PID1: variants seen among roughly 807,000 people sequenced by gnomAD.
PID1 encodes the protein phosphotyrosine interaction domain containing 1.
In PID1, 10 loss-of-function variants were observed where a neutral mutation model predicts 19.1. That is an observed-to-expected ratio of 0.52 (90% CI 0.32 to 0.89). PID1 has a LOEUF of 0.89. PID1 is among the 40% of genes least tolerant of loss of function. The pLI is 0.03. For synonymous variants in PID1, 130 were observed against 116.0 expected (o/e 1.12, Z -0.78); for missense variants, 248 against 285.3 (o/e 0.87, Z 0.94).
chr2:229,123,248 T>C (rs1465967784), intron 2 of PID1, among the ~76,000 whole-genome samples: 1 of 152,186 alleles, frequency 6.6e-6, no homozygotes, highest in African/African-American at 2.4e-5. Flanking sequence ...TATTCAGGGA[T>C]ACTTCAGGTA....
At chr2:229,255,806 C>A (rs2106287474) in intron 1 of PID1, among the ~76,000 whole-genome samples, 1 of 152,288 alleles carries the variant, frequency 6.6e-6, no homozygotes, top group South Asian at 2.1e-4. Flanking sequence ...TAAGCCCCAA[C>A]ACTTCTAGTT....
At chr2:229,172,961 G>A (rs917344013) in intron 1 of PID1, among the ~76,000 whole-genome samples, 4 of 152,086 alleles carry the variant, frequency 2.6e-5, no homozygotes, top group Admixed American at 1.3e-4. Flanking sequence ...CCGAACTCCT[G>A]ATGTCAAGTG....
chr2:229,042,887 T>C (rs1479941458), intron 2 of PID1, among the ~76,000 whole-genome samples: 1 of 152,150 alleles, frequency 6.6e-6, no homozygotes, highest in African/African-American at 2.4e-5. Flanking sequence ...ATATTAGAGT[T>C]ATTACATTGA....
intron 2 of PID1, among the ~76,000 whole-genome samples, chr2:229,087,468 G>A (rs1694791980): frequency 6.6e-6 from 1 of 152,200 alleles, no homozygotes; most frequent in African/African-American, 2.4e-5. Flanking sequence ...GGGATCAAAT[G>A]TCTCCTGCAA....
intron 2 of PID1, among the ~76,000 whole-genome samples, chr2:229,148,666 G>T (rs1690185322): frequency 6.7e-6 from 1 of 150,108 alleles, no homozygotes. Context: ...TAGAATGAAA[G>T]AAAAGTAGAA....
intron 1 of PID1, among the ~76,000 whole-genome samples, chr2:229,194,231 C>A (rs550867072): frequency 6.6e-6 from 1 of 151,796 alleles, no homozygotes; most frequent in South Asian, 2.1e-4. Context: ...GTTAAAAAAC[C>A]CCATTAACTA....
intron 2 of PID1, among the ~76,000 whole-genome samples, chr2:229,114,503 TG>T (rs1416779855): frequency 2.0e-5 from 3 of 152,252 alleles, no homozygotes; most frequent in African/African-American, 7.2e-5. Context: ...CCCCCTAGCT[TG>T]GCAGGCAGGT....
At chr2:229,114,414 C>A (rs147845390) in intron 2 of PID1, among the ~76,000 whole-genome samples, 30 of 152,264 alleles carry the variant, frequency 2.0e-4, no homozygotes, top group African/African-American at 6.7e-4. Context: ...TCTAACCCTA[C>A]TCCCCATCCT....
intron 1 of PID1, among the ~76,000 whole-genome samples, chr2:229,177,715 C>A (rs1690853185): frequency 6.6e-6 from 1 of 152,140 alleles, no homozygotes; most frequent in Admixed American, 6.5e-5. Context: ...TCCAGTTGAA[C>A]CCCTGGCATC....
chr2:229,055,258 A>G (rs1029141981), intron 2 of PID1, among the ~76,000 whole-genome samples: 2 of 152,194 alleles, frequency 1.3e-5, no homozygotes, highest in African/African-American at 2.4e-5. Flanking sequence ...TCCTTTTGCA[A>G]CCTTTCCTTC....
intron 2 of PID1, among the ~76,000 whole-genome samples, chr2:229,137,930 C>T (rs1331919249): frequency 6.6e-6 from 1 of 152,194 alleles, no homozygotes; most frequent in Non-Finnish European, 1.5e-5. Flanking sequence ...AACCCATCGA[C>T]AGTTCCCTAC....
At chr2:229,063,139 C>A (rs914940881) in intron 2 of PID1, among the ~76,000 whole-genome samples, 3 of 151,816 alleles carry the variant, frequency 2.0e-5, no homozygotes, top group Admixed American at 1.3e-4. Flanking sequence ...CTCTTATCTT[C>A]ATTATTTCCT....
chr2:229,078,958 G>C (rs1262966362), intron 2 of PID1, among the ~76,000 whole-genome samples: 1 of 152,150 alleles, frequency 6.6e-6, no homozygotes, highest in East Asian at 1.9e-4. Context: ...GTGTAGGTTA[G>C]ATAAAAATGT....
At chr2:229,075,244 T>C (rs188291905) in intron 2 of PID1, among the ~76,000 whole-genome samples, 89 of 152,376 alleles carry the variant, frequency 5.8e-4, no homozygotes, top group Admixed American at 1.1e-3. Context: ...GCATTTCTAC[T>C]GAATGCTTAT....
chr2:229,254,426 A>G (rs566612855), intron 1 of PID1, among the ~76,000 whole-genome samples: 3 of 152,346 alleles, frequency 2.0e-5, no homozygotes, highest in East Asian at 1.9e-4. Context: ...CTGCGTTACA[A>G]TGTCCCATAT....
intron 2 of PID1, among the ~76,000 whole-genome samples, chr2:229,124,832 C>G (rs1453221208): frequency 6.6e-6 from 1 of 152,168 alleles, no homozygotes; most frequent in Non-Finnish European, 1.5e-5. Flanking sequence ...TTTCTACTAC[C>G]TGTTGACTAA....
At chr2:229,155,620 A>G (rs10193490) in intron 2 of PID1, among the ~76,000 whole-genome samples, 198 bp downstream of exon 2, 26,000 of 150,194 alleles carry the variant, frequency 0.17, 2,573 homozygotes, top group Non-Finnish European at 0.22. Context: ...TGCGTGTCCA[A>G]AAGTGATAGT....
intron 1 of PID1, among the ~76,000 whole-genome samples, chr2:229,268,958 CAT>C (rs1379239874): frequency 1.3e-5 from 2 of 151,180 alleles, no homozygotes; most frequent in Non-Finnish European, 3.0e-5. Context: ...AAAGTAAAAA[CAT>C]ATAAATTATG....
intron 2 of PID1, among the ~76,000 whole-genome samples, chr2:229,117,999 T>C (rs1053554426): frequency 2.0e-5 from 3 of 152,136 alleles, no homozygotes; most frequent in Non-Finnish European, 2.9e-5. Context: ...CCTTTCTGTC[T>C]CTCTCAATAG....
Sources: allele counts gnomAD v4.1 joint callset (sites outside exome capture counted in the v4.1 genomes callset), GRCh38; gene constraint gnomAD v4.1.1; transcripts MANE v1.5; gene names NCBI Gene and HGNC (gene_info 2026-07-23, HGNC 2026-07-21).